The following CSNK2A2IP variants were observed in gnomAD, a reference collection of about 807,000 sequenced individuals.
The protein encoded by CSNK2A2IP is casein kinase II subunit alpha'-interacting protein.
chr3:88,367,413 C>T, the CSNK2A2IP span, among the ~76,000 whole-genome samples: 1 of 151,948 alleles, frequency 6.6e-6, no homozygotes, highest in African/African-American at 2.4e-5. Flanking sequence ...AAAGATAATG[C>T]TTGAGATTAT....
the CSNK2A2IP span, among the ~76,000 whole-genome samples, chr3:88,366,699 C>T: frequency 5.3e-5 from 8 of 152,006 alleles, no homozygotes; most frequent in African/African-American, 1.7e-4. Flanking sequence ...AAAGTAAGGG[C>T]AAAATATGTA....
chr3:88,379,519 CT>C, the CSNK2A2IP span, among the ~76,000 whole-genome samples: 1 of 152,050 alleles, frequency 6.6e-6, no homozygotes. Flanking sequence ...CCTGAAAGTT[CT>C]TTCAAGCTGA....
the CSNK2A2IP span, chr3:88,466,369 C>G: frequency 8.1e-7 from 1 of 1,231,864 alleles, no homozygotes; most frequent in Non-Finnish European, 1.0e-6. Context: ...CACGAATTCA[C>G]CTGTCTGTCA....
the CSNK2A2IP span, among the ~76,000 whole-genome samples, chr3:88,351,521 A>T: frequency 6.6e-5 from 10 of 152,274 alleles, 1 homozygote; most frequent in Admixed American, 2.0e-4. Context: ...AGTGATAATC[A>T]TAGTCAATAT....
the CSNK2A2IP span, among the ~76,000 whole-genome samples, chr3:88,381,128 G>C: frequency 9.8e-5 from 15 of 152,302 alleles, no homozygotes; most frequent in East Asian, 2.9e-3. Context: ...GCCAAGTTAG[G>C]GCTGGGATCT....
chr3:88,451,368 T>C, the CSNK2A2IP span, among the ~76,000 whole-genome samples: 1 of 152,138 alleles, frequency 6.6e-6, no homozygotes, highest in South Asian at 2.1e-4. Context: ...CTATTGGCCA[T>C]TTTTATGTCT....
chr3:88,406,849 A>C, the CSNK2A2IP span, among the ~76,000 whole-genome samples: 2 of 152,212 alleles, frequency 1.3e-5, no homozygotes, highest in Non-Finnish European at 2.9e-5. Context: ...GTAGCCATAC[A>C]ATTGGCCACA....
chr3:88,418,436 C>A, the CSNK2A2IP span, among the ~76,000 whole-genome samples: 1 of 81,340 alleles, frequency 1.2e-5, no homozygotes, highest in Non-Finnish European at 2.8e-5. Flanking sequence ...AACTGAATGT[C>A]AGTGTGTGTG....
the CSNK2A2IP span, among the ~76,000 whole-genome samples, chr3:88,417,108 T>A: frequency 0.019 from 2,875 of 152,142 alleles, 80 homozygotes; most frequent in African/African-American, 0.06. Context: ...CATGAATTTT[T>A]TTTTTTTACT....
At chr3:88,418,459 T>TGCGCGCGC in the CSNK2A2IP span, among the ~76,000 whole-genome samples, 11 of 80,746 alleles carry the variant, frequency 1.4e-4, 1 homozygote, top group East Asian at 7.2e-4. Context: ...TGTGTGTGTG[T>TGCGCGCGC]GTGTGCGCGC....
At chr3:88,394,105 G>A in the CSNK2A2IP span, among the ~76,000 whole-genome samples, 1 of 151,976 alleles carries the variant, frequency 6.6e-6, no homozygotes, top group Non-Finnish European at 1.5e-5. Flanking sequence ...GGTGTAGAGA[G>A]CATTCAGTAA....
the CSNK2A2IP span, among the ~76,000 whole-genome samples, chr3:88,346,941 G>C: frequency 6.4e-4 from 97 of 152,120 alleles, no homozygotes; most frequent in Admixed American, 2.8e-3. Context: ...CATCATTCTA[G>C]ATGTCATTGA....
At chr3:88,402,537 G>C in the CSNK2A2IP span, among the ~76,000 whole-genome samples, 5 of 152,008 alleles carry the variant, frequency 3.3e-5, no homozygotes, top group African/African-American at 4.8e-5. Context: ...AATTGGATAT[G>C]TTTATATACA....
At chr3:88,463,070 C>A in the CSNK2A2IP span, among the ~76,000 whole-genome samples, 3 of 151,996 alleles carry the variant, frequency 2.0e-5, no homozygotes, top group African/African-American at 7.3e-5. Flanking sequence ...AAATTTCTAG[C>A]AATGATAGAG....
chr3:88,461,799 T>C, the CSNK2A2IP span, among the ~76,000 whole-genome samples: 6 of 152,110 alleles, frequency 3.9e-5, no homozygotes, highest in Non-Finnish European at 8.8e-5. Context: ...AGTGTCTAAT[T>C]CTGTCACCCA....
chr3:88,391,923 G>A, the CSNK2A2IP span, among the ~76,000 whole-genome samples: 1 of 152,226 alleles, frequency 6.6e-6, no homozygotes, highest in Non-Finnish European at 1.5e-5. Flanking sequence ...GAGGAAGGCA[G>A]CTGAGTGGTT....
At chr3:88,465,949 A>G in the CSNK2A2IP span, 3 of 1,231,522 alleles carry the variant, frequency 2.4e-6, no homozygotes, top group Admixed American at 8.5e-5. Context: ...CATAAACATC[A>G]TTTGGACATC....
At chr3:88,357,207 T>C in the CSNK2A2IP span, among the ~76,000 whole-genome samples, 7 of 152,162 alleles carry the variant, frequency 4.6e-5, no homozygotes, top group Non-Finnish European at 1.0e-4. Context: ...GGAATGTTTC[T>C]CCAATGTTTT....
the CSNK2A2IP span, chr3:88,465,686 C>G: frequency 1.6e-6 from 2 of 1,231,556 alleles, no homozygotes; most frequent in African/African-American, 3.1e-5. Flanking sequence ...TGGAGAAGTT[C>G]ATTGTGGCCT....
Sources: gnomAD v4.1 joint callset for allele counts (sites outside exome capture counted in the v4.1 genomes callset) on GRCh38, gnomAD v4.1.1 for gene constraint, MANE v1.5 for transcripts, NCBI Gene and HGNC (gene_info 2026-07-23, HGNC 2026-07-21) for gene names.